Variants in ISLR2 observed in about 807,000 individuals in gnomAD.
ISLR2 encodes the protein immunoglobulin superfamily containing leucine-rich repeat protein 2.
In ISLR2, 16 loss-of-function variants were observed where a neutral mutation model predicts 25.5. The observed-to-expected ratio is 0.63, with a 90% confidence interval of 0.43 to 0.95. The LOEUF (loss-of-function observed/expected upper bound fraction) is 0.95, where lower values mean the gene tolerates loss of function less well. ISLR2 is among the 40% of genes least tolerant of loss of function. The probability of loss-of-function intolerance (pLI) is 0.00; values close to 1 mark genes in which losing one functional copy is unlikely to be tolerated. For synonymous variants in ISLR2, 508 were observed against 486.6 expected (o/e 1.04, Z -0.58); for missense variants, 883 against 1,030.7 (o/e 0.86, Z 1.96).
At chr15:74,114,063 A>C (rs1309203301) in intron 2 of ISLR2, among the ~76,000 whole-genome samples, 1 of 152,216 alleles carries the variant, frequency 6.6e-6, no homozygotes, top group Non-Finnish European at 1.5e-5. Flanking sequence ...TCCACCAAAC[A>C]AGACTGATCC....
intron 2 of ISLR2, among the ~76,000 whole-genome samples, chr15:74,106,540 G>A (rs1190631174): frequency 6.6e-6 from 1 of 152,042 alleles, no homozygotes; most frequent in African/African-American, 2.4e-5. Flanking sequence ...AGCTGGGCAG[G>A]CTGGATCCCA....
chr15:74,132,826 C>A lies in ISLR2; in HGVS notation c.72C>A (p.Cys24Ter). 4 of 1,614,094 alleles carry A rather than the reference C, an allele frequency of 2.5e-6. No individual in the cohort carries two copies. The highest frequency in any genetic ancestry group is 3.4e-6 in the Non-Finnish European group (4 of 1,179,944). The change falls in exon 3 of 3, where the codon TGC becomes TGA. Residue 24 changes from cysteine (C) to a stop codon, truncating the protein, a stop_gained. Coordinates refer to ENST00000453268, the MANE Select transcript of ISLR2 (RefSeq NM_020851.3). LOFTEE classifies it low-confidence loss of function (END_TRUNC). This position sits in a 1 kb window ranked among gnomAD's most constrained non-coding sequence, Gnocchi z 4.3. ...TGGCCGGATCATGCCCGGAGCCGTG[C>A]GCCTGCGTGGACAAGTACGCTCACC... is the stretch of plus-strand genomic sequence containing the variant. ...LGVAGSCPEPCACVDKYAHQF... is the reference protein window; with the variant it reads ...LGVAGSCPEP
intron 2 of ISLR2, among the ~76,000 whole-genome samples, chr15:74,111,153 A>C (rs899704031): frequency 2.0e-5 from 3 of 151,598 alleles, no homozygotes; most frequent in Non-Finnish European, 2.9e-5. Context: ...AAAAAAAAAA[A>C]AAAAAACAGA....
At chr15:74,114,124 T>C (rs1463937714) in intron 2 of ISLR2, among the ~76,000 whole-genome samples, 2 of 152,204 alleles carry the variant, frequency 1.3e-5, no homozygotes, top group Non-Finnish European at 1.5e-5. Flanking sequence ...TTTAGAAACT[T>C]TCCCCACCAG....
chr15:74,122,975 G>A (rs1179219321), intron 2 of ISLR2, among the ~76,000 whole-genome samples: 2 of 152,118 alleles, frequency 1.3e-5, no homozygotes, highest in Non-Finnish European at 2.9e-5. Flanking sequence ...ATGGCCCCAC[G>A]GAATGGAGGA....
chr15:74,124,784 A>C (rs868083301), upstream of ISLR2, among the ~76,000 whole-genome samples: 12 of 152,250 alleles, frequency 7.9e-5, no homozygotes, highest in Middle Eastern at 0.014. Context: ...CAAAAAACAC[A>C]ATAGGTATGT....
At position 74,132,855 on chromosome 15, in the gene ISLR2, T is replaced by C; in HGVS notation, c.101T>C (p.Phe34Ser). 6.2e-7 allele frequency: 1 copy of C among 1,614,032 alleles called. No individual in the cohort carries two copies. The highest frequency in any genetic ancestry group is 8.5e-7 in the Non-Finnish European group (1 of 1,179,938). The change falls in exon 3 of 3, where the codon TTC (phenylalanine) becomes TCC (serine). Residue 34 changes from phenylalanine (F) to serine (S), a missense_variant. By Grantham distance (155) the Phe-to-Ser change is radical (BLOSUM62 -2). Coordinates refer to ENST00000453268, the MANE Select transcript of ISLR2 (RefSeq NM_020851.3). This position sits in a 1 kb window ranked among gnomAD's most constrained non-coding sequence, Gnocchi z 4.3. ...TGCGTGGACAAGTACGCTCACCAGT[T>C]CGCGGACTGCGCTTACAAAGAGTTG... ...CACVDKYAHQ[F>S]ADCAYKELRE...
chr15:74,141,212 G>A (rs952118380), downstream of ISLR2, among the ~76,000 whole-genome samples: 8 of 152,210 alleles, frequency 5.3e-5, no homozygotes, highest in African/African-American at 1.9e-4. Context: ...CATAGAACAA[G>A]GAGAGAAAAA....
At chr15:74,123,217 C>G (rs151292169), upstream of ISLR2, among the ~76,000 whole-genome samples, 4 of 152,122 alleles carry the variant, frequency 2.6e-5, no homozygotes, top group East Asian at 7.7e-4. Flanking sequence ...GGGACCCAAG[C>G]GGGCCTCAAG....
chr15:74,123,247 T>A (rs1433471598), upstream of ISLR2, among the ~76,000 whole-genome samples: 2 of 151,126 alleles, frequency 1.3e-5, no homozygotes, highest in African/African-American at 2.4e-5. Flanking sequence ...GGGAGGCGGG[T>A]TGCAGTGTGA....
chr15:74,124,540 C>T (rs138394554), upstream of ISLR2, among the ~76,000 whole-genome samples: 77 of 152,294 alleles, frequency 5.1e-4, no homozygotes, highest in Admixed American at 2.5e-3. Flanking sequence ...GGAAGGATCA[C>T]TTGAGGTCAA....
At chr15:74,115,743 G>T (rs945147588) in intron 2 of ISLR2, among the ~76,000 whole-genome samples, 2 of 151,788 alleles carry the variant, frequency 1.3e-5, no homozygotes, top group African/African-American at 2.4e-5. Context: ...AACCAGGAGA[G>T]AAATAAATCA....
intron 2 of ISLR2, among the ~76,000 whole-genome samples, chr15:74,131,628 G>A (rs896261488): frequency 6.6e-6 from 1 of 152,196 alleles, no homozygotes; most frequent in African/African-American, 2.4e-5. Flanking sequence ...GGAGAAAGGC[G>A]CAGAATCTTT....
intron 1 of ISLR2, among the ~76,000 whole-genome samples, 196 bp downstream of exon 1, chr15:74,130,817 G>A (rs1245920733): frequency 1.3e-5 from 2 of 152,028 alleles, no homozygotes; most frequent in Non-Finnish European, 2.9e-5. Context: ...GCGCGAATGT[G>A]TTTGAACGTG....
rs1397707728 is a variant in ISLR2 at position 74,135,981 on chromosome 15, T to A, written c.*989T>A. 1 of 166,156 alleles carries A rather than the reference T, an allele frequency of 6.0e-6. No individual in the cohort carries two copies. Among genetic ancestry groups the A allele is most frequent in the African/African-American group, 2.4e-5 (1 of 41,090 alleles). The allele number at this position is 166,156 out of a possible 1,614,324, so 10.3% of individuals were successfully genotyped here. A position where few individuals can be genotyped will look rare whatever the true frequency, so the allele number is the denominator to read the frequency against. On this transcript the variant is annotated 3_prime_UTR_variant, in exon 3 of 3. Transcript: ENST00000453268. ...GGCGCCTTTCAGCTCCGCGCTCAGA[T>A]TTTCCTGTTTTCGTTGTTTTCAAAG...
chr15:74,129,243 C>G, upstream of ISLR2: 1 of 354,510 alleles, frequency 2.8e-6, no homozygotes, highest in East Asian at 7.7e-5. This position sits in a 1 kb window ranked among gnomAD's most constrained non-coding sequence, Gnocchi z 4.5. Context: ...GGAGTGTGAG[C>G]GCACCAGTCT....
Position 74,134,421 on chromosome 15 carries a change from G to A in ISLR2, c.1667G>A (p.Arg556His). The change falls in exon 3 of 3, where the codon CGC (arginine) becomes CAC (histidine). Residue 556 changes from arginine to histidine, a missense_variant. Physicochemically the swap from Arg to His is conservative, Grantham distance 29. Transcript: ENST00000453268. ...GAAGGCGTCAACGCCTACTGGTTCC[G>A]CGGCCTGCGGCCGGGTACCAACTAC... The part of the protein sequence containing the change: ...VEEGVNAYWF[R>H]GLRPGTNYSV... 1 of 1,610,126 alleles carries A rather than the reference G, an allele frequency of 6.2e-7. No individual in the cohort carries two copies. The highest frequency in any genetic ancestry group is 1.1e-5 in the South Asian group (1 of 90,704).
chr15:74,128,593 A>G (rs1471292592), upstream of ISLR2: 8 of 456,548 alleles, frequency 1.8e-5, no homozygotes, highest in East Asian at 7.0e-5. Context: ...TAGCGAGCCC[A>G]TTCTCCCTTC....
chr15:74,137,806 CTGGCA>C (rs1477726093), downstream of ISLR2, among the ~76,000 whole-genome samples: 2 of 152,242 alleles, frequency 1.3e-5, no homozygotes, highest in African/African-American at 2.4e-5. Context: ...CCAGTCCAGG[CTGGCA>C]ACAGGCCCAA....
Sources: allele counts gnomAD v4.1 joint callset (sites outside exome capture counted in the v4.1 genomes callset), GRCh38; gene constraint gnomAD v4.1.1; non-coding constraint Gnocchi (gnomAD v3.1); transcripts MANE v1.5; gene names NCBI Gene and HGNC (gene_info 2026-07-23, HGNC 2026-07-21).